The following WDR82 variants were observed in gnomAD, a reference collection of about 807,000 sequenced individuals.
WDR82 encodes WD repeat domain 82.
Under a neutral mutation model 36.1 loss-of-function variants are expected in WDR82, and 8 were observed. The observed-to-expected ratio is 0.22, with a 90% CI of 0.13 to 0.40. WDR82 has a LOEUF of 0.40. WDR82 is among the 10% of genes least tolerant of loss of function. The pLI, the probability that WDR82 is intolerant of heterozygous loss-of-function variation, is 1.00. For synonymous variants in WDR82, 129 were observed against 137.8 expected, an observed-to-expected ratio of 0.94 and a Z score of 0.45; for missense variants, 185 against 400.5, an observed-to-expected ratio of 0.46 and a Z score of 4.59.
intron 3 of WDR82, among the ~76,000 whole-genome samples, chr3:52,265,216 C>T (rs1700094628): frequency 7.2e-6 from 1 of 139,366 alleles, no homozygotes; most frequent in East Asian, 2.3e-4. Flanking sequence ...AGGAGAATGG[C>T]GTGAACCCAA....
Position 52,257,416 on chromosome 3 carries a change from A to G in WDR82, c.*74T>C. 6.3e-7 allele frequency: 1 copy of G among 1,597,002 alleles called. No individual in the cohort carries two copies. The highest frequency in any genetic ancestry group is 8.6e-7 in the Non-Finnish European group (1 of 1,164,522). On this transcript the variant is annotated 3_prime_UTR_variant, in exon 9 of 9. Transcript: ENST00000296490. The stretch of plus-strand genomic sequence containing the variant: ...CCCAGTCAAATGATCCAATCCCACT[A>G]TTATCTCAGTTCCCTCTGAGTTTCT...
intron 3 of WDR82, among the ~76,000 whole-genome samples, chr3:52,262,790 T>A (rs1196669275): frequency 6.6e-6 from 1 of 152,226 alleles, no homozygotes; most frequent in Non-Finnish European, 1.5e-5. Flanking sequence ...TTAAAAGGTA[T>A]TGTTAAAAGC....
At chr3:52,272,493 G>A (rs1700163029) in intron 1 of WDR82, among the ~76,000 whole-genome samples, 1 of 145,288 alleles carries the variant, frequency 6.9e-6, no homozygotes, top group African/African-American at 2.7e-5. Context: ...GTAGTGAGCT[G>A]AGATCGCGCC....
intron 1 of WDR82, among the ~76,000 whole-genome samples, chr3:52,277,685 G>T (rs759259657): frequency 2.6e-5 from 4 of 152,264 alleles, no homozygotes; most frequent in Non-Finnish European, 5.9e-5. Context: ...CAACCCACGC[G>T]GTCTGACGGC....
At chr3:52,265,107 T>C (rs2107335226) in intron 3 of WDR82, among the ~76,000 whole-genome samples, 1 of 151,940 alleles carries the variant, frequency 6.6e-6, no homozygotes, top group East Asian at 1.9e-4. Context: ...GGGACCATCC[T>C]GGGTAACACG....
intron 3 of WDR82, among the ~76,000 whole-genome samples, chr3:52,263,051 C>A (rs1700074659): frequency 1.3e-5 from 2 of 151,234 alleles, no homozygotes; most frequent in African/African-American, 4.9e-5. Flanking sequence ...TCGCTTGAAC[C>A]CCAGAGATGG....
chr3:52,271,910 T>C (rs1250759822), intron 1 of WDR82, among the ~76,000 whole-genome samples: 1 of 151,750 alleles, frequency 6.6e-6, no homozygotes, highest in Non-Finnish European at 1.5e-5. Context: ...CCCAACATGG[T>C]GAAACCCCGT....
At chr3:52,273,062 T>C (rs1700168630) in intron 1 of WDR82, among the ~76,000 whole-genome samples, 2 of 152,244 alleles carry the variant, frequency 1.3e-5, no homozygotes, top group Non-Finnish European at 2.9e-5. Flanking sequence ...GGCTGTATAC[T>C]TACTCTCTAC....
intron 1 of WDR82, among the ~76,000 whole-genome samples, chr3:52,277,056 C>G (rs1407124511): frequency 7.6e-6 from 1 of 130,874 alleles, no homozygotes; most frequent in Non-Finnish European, 1.6e-5. Context: ...GAGAAAAACC[C>G]AAGATCTCAA....
chr3:52,259,076 G>T, intron 7 of WDR82, 121 bp downstream of exon 7: 1 of 1,153,724 alleles, frequency 8.7e-7, no homozygotes, highest in Non-Finnish European at 1.2e-6. Flanking sequence ...TTGGCATAAT[G>T]TGCTATACAG....
intron 3 of WDR82, among the ~76,000 whole-genome samples, chr3:52,263,834 T>C (rs1207189327): frequency 6.6e-6 from 1 of 152,114 alleles, no homozygotes; most frequent in Non-Finnish European, 1.5e-5. Context: ...AGAAAGAGTA[T>C]TGGACAGAAG....
At chr3:52,261,557 T>C in intron 3 of WDR82, 78 bp from the exon 4 acceptor site, 1 of 1,222,994 alleles carries the variant, frequency 8.2e-7, no homozygotes, top group Non-Finnish European at 1.2e-6. Flanking sequence ...CCACTCTGCC[T>C]ATCTATACAT....
At chr3:52,276,355 C>T (rs968444490) in intron 1 of WDR82, among the ~76,000 whole-genome samples, 6 of 151,600 alleles carry the variant, frequency 4.0e-5, no homozygotes, top group Non-Finnish European at 5.9e-5. Flanking sequence ...CGCTTGAACC[C>T]GGGAGGCAGA....
intron 4 of WDR82, 43 bp downstream of exon 4, chr3:52,261,337 C>T (rs1171044751): frequency 1.3e-6 from 2 of 1,554,938 alleles, no homozygotes; most frequent in East Asian, 2.3e-5. Flanking sequence ...ACAGTGCCTA[C>T]CAAAGAAAAT....
At chr3:52,277,327 T>C (rs1229057003) in intron 1 of WDR82, among the ~76,000 whole-genome samples, 1 of 151,976 alleles carries the variant, frequency 6.6e-6, no homozygotes, top group Non-Finnish European at 1.5e-5. Context: ...TGCGAAAAGA[T>C]GCAGGTATGG....
At chr3:52,273,661 C>A (rs1700174278) in intron 1 of WDR82, among the ~76,000 whole-genome samples, 1 of 152,140 alleles carries the variant, frequency 6.6e-6, no homozygotes, top group Non-Finnish European at 1.5e-5. Context: ...CGCTCTGTTA[C>A]CCTGGCTGGA....
intron 2 of WDR82, chr3:52,267,348 CATA>C (rs1559454614): frequency 3.9e-6 from 1 of 254,070 alleles, no homozygotes; most frequent in Middle Eastern, 1.4e-3. Context: ...GTAAAGCACA[CATA>C]ATAATTTTAG....
intron 3 of WDR82, among the ~76,000 whole-genome samples, chr3:52,263,120 A>G (rs528488430): frequency 8.1e-4 from 123 of 152,314 alleles, no homozygotes; most frequent in African/African-American, 2.8e-3. Context: ...AGAGCAAGGC[A>G]CCGTCTCAAA....
At chr3:52,278,037 AT>A in intron 1 of WDR82, 163 bp downstream of exon 1, 1 of 523,702 alleles carries the variant, frequency 1.9e-6, no homozygotes, top group Admixed American at 4.2e-5. Context: ...GAAGAAAAAA[AT>A]AAAAGGTCTC....
Sources: allele counts gnomAD v4.1 joint callset (sites outside exome capture counted in the v4.1 genomes callset), GRCh38; gene constraint gnomAD v4.1.1; transcripts MANE v1.5; gene names NCBI Gene and HGNC (gene_info 2026-07-23, HGNC 2026-07-21).